The following NRG3 variants were observed in gnomAD, a reference collection of about 807,000 sequenced individuals.
NRG3 encodes the protein pro-neuregulin-3, membrane-bound isoform.
In NRG3, 31 loss-of-function variants were observed where a neutral mutation model predicts 66.9. The observed-to-expected ratio is 0.46, with a 90% CI of 0.35 to 0.63. The LOEUF (loss-of-function observed/expected upper bound fraction) is 0.63, where lower values mean the gene tolerates loss of function less well. NRG3 is among the 20% of genes least tolerant of loss of function. The probability of loss-of-function intolerance (pLI) is 0.00; values close to 1 mark genes in which losing one functional copy is unlikely to be tolerated. For missense variants in NRG3, 910 were observed against 878.9 expected (o/e 1.04, Z -0.45); for synonymous variants, 393 against 359.4 (o/e 1.09, Z -1.06).
intron 1 of NRG3, among the ~76,000 whole-genome samples, chr10:81,904,112 C>T (rs1393241071): frequency 6.6e-6 from 1 of 151,836 alleles, no homozygotes; most frequent in African/African-American, 2.4e-5. Flanking sequence ...TGGGTTCAAG[C>T]AATTCTGCTG....
intron 3 of NRG3, among the ~76,000 whole-genome samples, chr10:82,748,317 A>T (rs1482613086): frequency 6.6e-6 from 1 of 150,882 alleles, no homozygotes; most frequent in Non-Finnish European, 1.5e-5. Context: ...ATTCAAAACA[A>T]CATGTATGTT....
At chr10:82,617,417 G>A (rs137962746) in intron 2 of NRG3, among the ~76,000 whole-genome samples, 1 of 152,054 alleles carries the variant, frequency 6.6e-6, no homozygotes, top group African/African-American at 2.4e-5. Context: ...CCGAAGTTTG[G>A]AGAAGGAGGC....
At chr10:82,159,951 C>T (rs1191744525) in intron 1 of NRG3, among the ~76,000 whole-genome samples, 1 of 151,914 alleles carries the variant, frequency 6.6e-6, no homozygotes, top group East Asian at 1.9e-4. Flanking sequence ...AATTTCTTTT[C>T]ACTGAGAGGT....
intron 2 of NRG3, among the ~76,000 whole-genome samples, chr10:82,570,788 C>T (rs2133110922): frequency 6.6e-6 from 1 of 151,718 alleles, no homozygotes; most frequent in African/African-American, 2.4e-5. Flanking sequence ...CTCTGATTTT[C>T]TGGAGGACTC....
At chr10:82,005,341 T>C in intron 1 of NRG3, among the ~76,000 whole-genome samples, 1 of 152,226 alleles carries the variant, frequency 6.6e-6, no homozygotes, top group East Asian at 1.9e-4. Flanking sequence ...TAAGGATGCC[T>C]AGTGATGAAA....
chr10:82,790,582 A>G (rs376663805), intron 3 of NRG3, among the ~76,000 whole-genome samples: 2 of 152,210 alleles, frequency 1.3e-5, no homozygotes, highest in East Asian at 1.9e-4. Flanking sequence ...CTTGGAGGTC[A>G]TTGAGCCTCT....
At chr10:82,718,703 T>C (rs978767408) in intron 2 of NRG3, among the ~76,000 whole-genome samples, 1 of 152,140 alleles carries the variant, frequency 6.6e-6, no homozygotes, top group African/African-American at 2.4e-5. Flanking sequence ...ATCTGGAAAA[T>C]TGTAGGCACT....
chr10:82,052,426 T>G (rs1327823138), intron 1 of NRG3, among the ~76,000 whole-genome samples: 2 of 152,106 alleles, frequency 1.3e-5, no homozygotes, highest in African/African-American at 4.8e-5. Flanking sequence ...ACTGCACTGG[T>G]CACCAGAGAT....
chr10:82,849,235 C>A (rs1402927764), intron 3 of NRG3, among the ~76,000 whole-genome samples: 1 of 152,146 alleles, frequency 6.6e-6, no homozygotes, highest in Non-Finnish European at 1.5e-5. Context: ...AGCCAAGAAA[C>A]AGCAAAGATT....
In NRG3 at chr10:82,437,174, A is replaced by G. The variant is rs1328460174; in HGVS notation, c.953+78306A>G. On this transcript the variant is annotated intron_variant, in intron 2 of 8. Coordinates refer to ENST00000372141, the MANE Select transcript of NRG3 (RefSeq NM_001010848.4). ...TCTCCCTTCTCCTTCTGGTACTCCAATCAATCATAGGTTTGGTCTTTTCAC... is the reference window on the plus strand; with the variant it reads ...TCTCCCTTCTCCTTCTGGTACTCCAGTCAATCATAGGTTTGGTCTTTTCAC... Among the ~76,000 whole-genome samples the G allele has an allele frequency of 7.2e-5, 11 of 152,058 alleles. 1 individual carries two copies. Among genetic ancestry groups the G allele is most frequent in the East Asian group, 1.9e-4 (1 of 5,152 alleles).
chr10:82,858,395 A>T (rs1189173057), intron 3 of NRG3, among the ~76,000 whole-genome samples: 1 of 147,606 alleles, frequency 6.8e-6, no homozygotes, highest in Non-Finnish European at 1.5e-5. Flanking sequence ...TCAACACAGG[A>T]CATCTCAGCA....
chr10:82,657,996 A>G (rs1044201731), intron 2 of NRG3, among the ~76,000 whole-genome samples: 1 of 152,090 alleles, frequency 6.6e-6, no homozygotes, highest in Non-Finnish European at 1.5e-5. Flanking sequence ...ATCTGATTCT[A>G]CACAAACTCT....
intron 1 of NRG3, among the ~76,000 whole-genome samples, chr10:82,083,359 A>G (rs2065507663): frequency 6.6e-6 from 1 of 152,078 alleles, no homozygotes; most frequent in Admixed American, 6.5e-5. Flanking sequence ...GAAGTAATTT[A>G]AGGAAGATGT....
At chr10:82,713,796 C>T (rs910807562) in intron 2 of NRG3, among the ~76,000 whole-genome samples, 3 of 152,182 alleles carry the variant, frequency 2.0e-5, no homozygotes, top group African/African-American at 7.2e-5. Context: ...CTACCTCTCT[C>T]CCTCAATTAT....
At chr10:82,297,577 C>G (rs1289305443) in intron 1 of NRG3, among the ~76,000 whole-genome samples, 1 of 152,162 alleles carries the variant, frequency 6.6e-6, no homozygotes, top group African/African-American at 2.4e-5. Flanking sequence ...TGACTAAATT[C>G]ACCCATAAGA....
chr10:82,892,251 TA>T (rs1843219342), intron 4 of NRG3, among the ~76,000 whole-genome samples: 1 of 152,062 alleles, frequency 6.6e-6, no homozygotes, highest in South Asian at 2.1e-4. Flanking sequence ...TAGACATTTT[TA>T]GGCCTAAAGA....
intron 1 of NRG3, among the ~76,000 whole-genome samples, chr10:81,957,188 A>T (rs1379068431): frequency 6.6e-6 from 1 of 152,168 alleles, no homozygotes; most frequent in Non-Finnish European, 1.5e-5. Flanking sequence ...TCCCTGAATC[A>T]CCACATGGAG....
intron 1 of NRG3, among the ~76,000 whole-genome samples, chr10:81,975,371 A>G (rs1278145787): frequency 6.6e-6 from 1 of 151,412 alleles, no homozygotes; most frequent in Non-Finnish European, 1.5e-5. Context: ...CTATCTATCT[A>G]TCTATTCATC....
chr10:81,988,481 CT>C (rs1564715638), intron 1 of NRG3, among the ~76,000 whole-genome samples: 1 of 152,186 alleles, frequency 6.6e-6, no homozygotes, highest in African/African-American at 2.4e-5. Flanking sequence ...TAATGCCTAC[CT>C]ATTTTCCCTA....
Sources: allele counts gnomAD v4.1 joint callset (sites outside exome capture counted in the v4.1 genomes callset), GRCh38; gene constraint gnomAD v4.1.1; transcripts MANE v1.5; gene names NCBI Gene and HGNC (gene_info 2026-07-23, HGNC 2026-07-21).